GPR157: variants seen among roughly 807,000 people sequenced by gnomAD.
GPR157 encodes the protein G protein-coupled receptor 157.
In GPR157, 16 loss-of-function variants were observed where a neutral mutation model predicts 23.5. The ratio of observed to expected loss-of-function variants is 0.68; its 90% CI spans 0.46 to 1.04. The LOEUF is 1.04. Among genes scored for constraint, GPR157 ranks in the 50% least tolerant of loss-of-function variants. GPR157 has a pLI of 0.00. For missense variants in GPR157, 440 were observed against 460.7 expected, an observed-to-expected ratio of 0.96 and a Z score of 0.41; for synonymous variants, 200 against 221.5, an observed-to-expected ratio of 0.90 and a Z score of 0.86.
chr1:9,123,664 T>C (rs1286456259), intron 1 of GPR157, among the ~76,000 whole-genome samples: 1 of 115,594 alleles, frequency 8.7e-6, no homozygotes, highest in Non-Finnish European at 1.6e-5. Flanking sequence ...ATATTAAATA[T>C]ATATTTAATA....
intron 2 of GPR157, among the ~76,000 whole-genome samples, chr1:9,108,265 C>T (rs1236836131): frequency 6.6e-6 from 1 of 152,164 alleles, no homozygotes; most frequent in African/African-American, 2.4e-5. Flanking sequence ...CGCCCTCCTC[C>T]TCCTCCTCCT....
intron 1 of GPR157, among the ~76,000 whole-genome samples, chr1:9,117,938 C>T (rs1310232681): frequency 6.6e-6 from 1 of 152,110 alleles, no homozygotes; most frequent in Non-Finnish European, 1.5e-5. Flanking sequence ...ATGAAAAAGA[C>T]CAAGGGATTT....
At chr1:9,113,929 C>A (rs1316771238) in intron 1 of GPR157, among the ~76,000 whole-genome samples, 2 of 133,644 alleles carry the variant, frequency 1.5e-5, no homozygotes, top group Non-Finnish European at 3.2e-5. Flanking sequence ...GGTGACAGAG[C>A]AAGACCCTGT....
Position 9,128,446 on chromosome 1 carries a change from G to A in GPR157, c.383+199C>T. Reference sequence around the variant, plus strand: ...GGCTGTGCCCTGGGGCAGGCACAGCGGGGCTCCTTCGGGAGGGAGCGAATC... The same window carrying A: ...GGCTGTGCCCTGGGGCAGGCACAGCAGGGCTCCTTCGGGAGGGAGCGAATC... On this transcript the variant is annotated intron_variant, in intron 1 of 3. Coordinates refer to ENST00000377411, the MANE Select transcript of GPR157 (RefSeq NM_024980.5). This position sits in a 1 kb window ranked among gnomAD's most constrained non-coding sequence, Gnocchi z 6.3. The A allele has an allele frequency of 1.5e-6, 1 of 685,410 alleles. No individual in the cohort carries two copies. The highest frequency in any genetic ancestry group is 2.6e-6 in the Non-Finnish European group (1 of 377,840). The allele number at this position is 685,410 out of a possible 1,614,324, so 42.5% of individuals were successfully genotyped here. A position where few individuals can be genotyped will look rare whatever the true frequency, so the allele number is the denominator to read the frequency against.
intron 1 of GPR157, among the ~76,000 whole-genome samples, chr1:9,111,728 T>C (rs1638502378): frequency 6.6e-6 from 1 of 152,188 alleles, no homozygotes; most frequent in South Asian, 2.1e-4. Flanking sequence ...GCTCCCAGCG[T>C]GTGCCCAGCT....
intron 2 of GPR157, among the ~76,000 whole-genome samples, chr1:9,106,974 GTAAA>G (rs1638356006): frequency 6.6e-6 from 1 of 152,048 alleles, no homozygotes; most frequent in Non-Finnish European, 1.5e-5. Flanking sequence ...AAATAAATAA[GTAAA>G]TAAATAAATA....
At chr1:9,119,985 C>T (rs530632125) in intron 1 of GPR157, among the ~76,000 whole-genome samples, 76 of 152,280 alleles carry the variant, frequency 5.0e-4, no homozygotes, top group African/African-American at 1.8e-3. Context: ...CCCTTCAGAG[C>T]GGGTCCTTGG....
intron 1 of GPR157, among the ~76,000 whole-genome samples, chr1:9,123,561 T>C (rs1638883584): frequency 8.9e-6 from 1 of 112,546 alleles, no homozygotes; most frequent in Non-Finnish European, 1.6e-5. Context: ...AAATATATAT[T>C]TAAATATATT....
At position 9,107,130 on chromosome 1, in the gene GPR157, G is replaced by A. The variant is rs77210528; in HGVS notation, c.598-1450C>T. On this transcript the variant is annotated intron_variant, in intron 2 of 3. Coordinates refer to ENST00000377411, the MANE Select transcript of GPR157 (RefSeq NM_024980.5). ...TTCCTTGGGCTTATTGCTTATCATC[G>A]TCCTCCCCTCCAGAATGCAAGCCCC... Among the ~76,000 whole-genome samples the A allele has an allele frequency of 9.9e-4, 151 of 151,918 alleles. No homozygotes were observed. The East Asian group carries it at 0.026, about 26-fold the overall frequency.
chr1:9,123,163 G>GGTAAAAA lies in GPR157; in HGVS notation c.383+5481_383+5482insTTTTTAC, dbSNP rs374439585. On this transcript the variant is annotated intron_variant, in intron 1 of 3. Coordinates refer to ENST00000377411, the MANE Select transcript of GPR157 (RefSeq NM_024980.5). ...ACAAGAGTGAAACTGTCTTGGGTGGGAAAAAAAAAAAATATATATATATAT... is the reference window on the plus strand; with the variant it reads ...ACAAGAGTGAAACTGTCTTGGGTGGGGTAAAAAAAAAAAAAAAAATATATATATATAT... Among the ~76,000 whole-genome samples, 46 of 87,564 alleles carry GGTAAAAA rather than the reference G, an allele frequency of 5.3e-4. 1 individual carries two copies. The highest frequency in any genetic ancestry group is 2.0e-3 in the African/African-American group (46 of 23,074). The allele number at this position is 87,564 out of a possible 152,430, so 57.4% of individuals were successfully genotyped here. A position where few individuals can be genotyped will look rare whatever the true frequency, so the allele number is the denominator to read the frequency against.
At chr1:9,114,806 A>G (rs1182825816) in intron 1 of GPR157, among the ~76,000 whole-genome samples, 1 of 151,778 alleles carries the variant, frequency 6.6e-6, no homozygotes, top group Non-Finnish European at 1.5e-5. Flanking sequence ...CTGTAATCCC[A>G]GCTACTCAGG....
intron 1 of GPR157, among the ~76,000 whole-genome samples, chr1:9,112,728 T>C (rs1220182274): frequency 2.0e-5 from 3 of 152,176 alleles, no homozygotes; most frequent in South Asian, 2.1e-4. Context: ...GCTGGGATTA[T>C]AGGCCTGAGC....
rs906603145 is a variant in GPR157, at chr1:9,128,104, G to A, written c.383+541C>T. 1.3e-5 allele frequency among the ~76,000 whole-genome samples: 2 copies of A among 152,178 alleles called. No homozygotes were observed. Among genetic ancestry groups the A allele is most frequent in the African/African-American group, 4.8e-5 (2 of 41,436 alleles). ...GAAATACAAGGGGCTGGGGCCTGAG[G>A]CTAGAAACGACCAAAGACAGAATAA... On this transcript the variant is annotated intron_variant, in intron 1 of 3. Coordinates refer to ENST00000377411, the MANE Select transcript of GPR157 (RefSeq NM_024980.5). The surrounding 1 kb of genome is among the most constrained non-coding windows in gnomAD (Gnocchi z 6.3).
chr1:9,124,920 C>A (rs1638932426), intron 1 of GPR157, among the ~76,000 whole-genome samples: 1 of 152,104 alleles, frequency 6.6e-6, no homozygotes, highest in East Asian at 1.9e-4. Context: ...AATCAAATGA[C>A]CCTAAATCCC....
intron 1 of GPR157, among the ~76,000 whole-genome samples, chr1:9,125,519 C>T (rs142242149): frequency 9.1e-4 from 139 of 152,290 alleles, no homozygotes; most frequent in Non-Finnish European, 1.6e-3. Flanking sequence ...AAGGGGGCCA[C>T]GCAGGTGCTC....
Position 9,104,126 on chromosome 1 carries a change from G to T in GPR157, c.*293C>A. On this transcript the variant is annotated 3_prime_UTR_variant, in exon 4 of 4. Coordinates refer to ENST00000377411, the MANE Select transcript of GPR157 (RefSeq NM_024980.5). Reference sequence around the variant, plus strand: ...AGGACATCAAGGTCCACTGGGTGGGGGCACTGTGGCCACAGCTGTGGGCCA... The same window carrying T: ...AGGACATCAAGGTCCACTGGGTGGGTGCACTGTGGCCACAGCTGTGGGCCA... 1 of 409,310 alleles carries T rather than the reference G, an allele frequency of 2.4e-6. No homozygotes were observed. Among genetic ancestry groups the T allele is most frequent in the South Asian group, 3.1e-5 (1 of 32,528 alleles). The allele number at this position is 409,310 out of a possible 1,614,324, so 25.4% of individuals were successfully genotyped here.
At chr1:9,111,679 C>T (rs1194909099) in intron 1 of GPR157, among the ~76,000 whole-genome samples, 190 bp from the exon 2 acceptor site, 1 of 152,188 alleles carries the variant, frequency 6.6e-6, no homozygotes, top group Non-Finnish European at 1.5e-5. Flanking sequence ...TAGAATTCTT[C>T]GGGGACTGGC....
chr1:9,128,934 G>C lies in GPR157; in HGVS notation c.94C>G (p.Leu32Val). The part of the protein sequence containing the change: ...CALSALGSGL[L>V]VATHALWPDL... Reference sequence around the variant, plus strand: ...GGCCACAGGGCGTGCGTGGCCACCAGCAGGCCCGAGCCGAGCGCGGAGAGT... The same window carrying C: ...GGCCACAGGGCGTGCGTGGCCACCACCAGGCCCGAGCCGAGCGCGGAGAGT... The change falls in exon 1 of 4, where the codon CTG becomes GTG. Residue 32 changes from leucine (L) to valine (V), a missense_variant. Physicochemically the swap from Leu to Val is conservative, Grantham distance 32. Transcript: ENST00000377411. This position sits in a 1 kb window ranked among gnomAD's most constrained non-coding sequence, Gnocchi z 6.3. 1 of 1,520,990 alleles carries C rather than the reference G, an allele frequency of 6.6e-7. No homozygotes were observed. Among genetic ancestry groups the C allele is most frequent in the South Asian group, 1.2e-5 (1 of 82,842 alleles). The allele number at this position is 1,520,990 out of a possible 1,614,324, so 94.2% of individuals were successfully genotyped here. A position where few individuals can be genotyped will look rare whatever the true frequency, so the allele number is the denominator to read the frequency against.
At position 9,118,133 on chromosome 1, in the gene GPR157, C is replaced by T. The variant is rs759897165; in HGVS notation, c.384-6644G>A. Among the ~76,000 whole-genome samples the T allele has an allele frequency of 1.2e-4, 18 of 152,260 alleles. No homozygotes were observed. Among genetic ancestry groups the T allele is most frequent in the South Asian group, 4.2e-4 (2 of 4,818 alleles). ...GTCACCTGAGGAGCATGTAAAGAGA[C>T]GCTGGGCCTTGAGCTATCCTCAAAT... is the stretch of plus-strand genomic sequence containing the variant. On this transcript the variant is annotated intron_variant, in intron 1 of 3. Transcript: ENST00000377411. The surrounding 1 kb of genome is among the most constrained non-coding windows in gnomAD (Gnocchi z 4.6).
Sources: gnomAD v4.1 joint callset for allele counts (sites outside exome capture counted in the v4.1 genomes callset) on GRCh38, gnomAD v4.1.1 for gene constraint, Gnocchi (gnomAD v3.1) non-coding constraint, MANE v1.5 for transcripts, NCBI Gene and HGNC (gene_info 2026-07-23, HGNC 2026-07-21) for gene names.